Variants in RGL1 observed in about 807,000 individuals in gnomAD.
RGL1 encodes the protein ral guanine nucleotide dissociation stimulator like 1.
A neutral mutation model predicts 95.2 loss-of-function variants in RGL1; 24 were observed. That is an observed-to-expected ratio of 0.25 (90% confidence interval 0.18 to 0.35). The LOEUF is 0.35. Ranked by LOEUF, RGL1 falls within the 10% of genes least tolerant of loss-of-function variation. RGL1 has a pLI of 1.00. For synonymous variants in RGL1, 329 were observed against 344.9 expected (o/e 0.95, Z 0.51); for missense variants, 715 against 936.3 (o/e 0.76, Z 3.08).
At chr1:183,713,324 G>A (rs1421183729) in intron 1 of RGL1, among the ~76,000 whole-genome samples, 2 of 149,052 alleles carry the variant, frequency 1.3e-5, no homozygotes, top group Non-Finnish European at 3.0e-5. Context: ...TGGCTGGGAT[G>A]GAGGATTTTA....
intron 1 of RGL1, chr1:183,646,893 G>A (rs1650331022): frequency 6.6e-6 from 1 of 152,194 alleles, no homozygotes; most frequent in South Asian, 2.1e-4. Context: ...AGAAGGGAGA[G>A]ACAGTGCTTG....
intron 2 of RGL1, among the ~76,000 whole-genome samples, chr1:183,846,108 G>A (rs1664408242): frequency 6.6e-6 from 1 of 152,192 alleles, no homozygotes; most frequent in Non-Finnish European, 1.5e-5. Context: ...GTTTATTGCA[G>A]CACTGTTCAC....
At chr1:183,908,714 C>G (rs1183702862) in intron 14 of RGL1, among the ~76,000 whole-genome samples, 1 of 152,116 alleles carries the variant, frequency 6.6e-6, no homozygotes, top group Non-Finnish European at 1.5e-5. Flanking sequence ...TCCTGGGTGT[C>G]CACTCTGCTC....
intron 2 of RGL1, among the ~76,000 whole-genome samples, chr1:183,809,269 T>A (rs535550977): frequency 6.6e-6 from 1 of 152,318 alleles, no homozygotes; most frequent in Admixed American, 6.5e-5. Context: ...AAGATTCAAT[T>A]TTGGGGAGGA....
At chr1:183,863,504 A>T (rs1324227904) in intron 3 of RGL1, among the ~76,000 whole-genome samples, 1 of 151,926 alleles carries the variant, frequency 6.6e-6, no homozygotes, top group East Asian at 1.9e-4. Context: ...CAGTGACATG[A>T]TCTGATCTAC....
rs139293187 is a variant in RGL1 at position 183,690,860 on chromosome 1, C to T, written c.-32-51266C>T. 1.4e-4 allele frequency among the ~76,000 whole-genome samples: 22 copies of T among 152,186 alleles called. No individual in the cohort carries two copies. In the East Asian group the frequency reaches 4.3e-3, roughly 29 times the overall value. ...ACGTTAGCATATTTGAAGTTTATGA[C>T]ATCAAGTAGTGACTCAAGTTATTTT... On this transcript the variant is annotated intron_variant, in intron 1 of 18. Transcript: ENST00000304685.
chr1:183,739,768 T>G (rs1241972735), intron 1 of RGL1, among the ~76,000 whole-genome samples: 3 of 152,144 alleles, frequency 2.0e-5, no homozygotes, highest in Non-Finnish European at 4.4e-5. Flanking sequence ...AAACTCACAA[T>G]TGCATCTTCT....
chr1:183,914,018 A>G (rs1372203090), intron 15 of RGL1, among the ~76,000 whole-genome samples: 4 of 152,212 alleles, frequency 2.6e-5, no homozygotes, highest in Non-Finnish European at 4.4e-5. Context: ...TTGACATACA[A>G]ATTAGCTTTG....
intron 2 of RGL1, among the ~76,000 whole-genome samples, chr1:183,761,342 T>C (rs1658656119): frequency 6.6e-6 from 1 of 152,230 alleles, no homozygotes; most frequent in Admixed American, 6.5e-5. Context: ...GTGAAATGGA[T>C]ATTGTGTTAG....
At chr1:183,774,978 C>G (rs1163424488) in intron 2 of RGL1, among the ~76,000 whole-genome samples, 2 of 152,154 alleles carry the variant, frequency 1.3e-5, no homozygotes, top group African/African-American at 4.8e-5. Context: ...AATGAGACGT[C>G]AGGCCCTTCA....
intron 2 of RGL1, among the ~76,000 whole-genome samples, chr1:183,822,380 A>C (rs908237256): frequency 2.0e-5 from 3 of 152,230 alleles, no homozygotes; most frequent in Non-Finnish European, 4.4e-5. Flanking sequence ...GTAGACTTAG[A>C]TAGCATTCAT....
rs899171387 is a variant in RGL1, at chr1:183,794,795, A to G, written c.133-11580A>G. 4.6e-5 allele frequency among the ~76,000 whole-genome samples: 7 copies of G among 152,166 alleles called. 1 individual carries two copies. The highest frequency in any genetic ancestry group is 8.8e-5 in the Non-Finnish European group (6 of 68,032). The stretch of plus-strand genomic sequence containing the variant: ...GGTGGTGGTTAACACAGCCTTAATA[A>G]AAGCTGAAATTACCTGGTCCTTTAA... On this transcript the variant is annotated intron_variant, in intron 2 of 18. Transcript: ENST00000304685.
At chr1:183,705,324 G>A (rs1654841090) in intron 1 of RGL1, among the ~76,000 whole-genome samples, 1 of 152,054 alleles carries the variant, frequency 6.6e-6, no homozygotes, top group Admixed American at 6.5e-5. Flanking sequence ...GTGACTGGGG[G>A]GGTGCTTATT....
chr1:183,675,168 G>A (rs926780717), intron 1 of RGL1, among the ~76,000 whole-genome samples: 1 of 152,140 alleles, frequency 6.6e-6, no homozygotes, highest in Non-Finnish European at 1.5e-5. Context: ...CAGGGCACTC[G>A]GGAATCTTGC....
chr1:183,644,359 T>G (rs930674437), intron 1 of RGL1, among the ~76,000 whole-genome samples: 1 of 152,202 alleles, frequency 6.6e-6, no homozygotes, highest in African/African-American at 2.4e-5. Flanking sequence ...GAGGATTAAA[T>G]GAATTAATAC....
chr1:183,820,243 G>A (rs1662379424), intron 2 of RGL1, among the ~76,000 whole-genome samples: 1 of 152,068 alleles, frequency 6.6e-6, no homozygotes, highest in Non-Finnish European at 1.5e-5. Context: ...TATTCCGTTT[G>A]TGATAGGCAG....
chr1:183,703,625 A>G (rs1654731896), intron 1 of RGL1, among the ~76,000 whole-genome samples: 1 of 152,240 alleles, frequency 6.6e-6, no homozygotes, highest in Admixed American at 6.5e-5. Context: ...AATTGGAGAT[A>G]TTAAACTTAC....
chr1:183,876,971 A>C (rs1341657175), intron 4 of RGL1, among the ~76,000 whole-genome samples: 2 of 152,212 alleles, frequency 1.3e-5, no homozygotes, highest in African/African-American at 4.8e-5. Context: ...AGGTATCTCA[A>C]AATGTCCTTA....
intron 1 of RGL1, among the ~76,000 whole-genome samples, chr1:183,703,598 G>A (rs149193694): frequency 4.4e-4 from 67 of 152,200 alleles, no homozygotes; most frequent in African/African-American, 1.5e-3. Context: ...TTCCATTATC[G>A]TCTATGTTAA....
Sources: allele counts gnomAD v4.1 joint callset (sites outside exome capture counted in the v4.1 genomes callset), GRCh38; gene constraint gnomAD v4.1.1; transcripts MANE v1.5; gene names NCBI Gene and HGNC (gene_info 2026-07-23, HGNC 2026-07-21).